The following VMA12 variants were observed in gnomAD, a reference collection of about 807,000 sequenced individuals.
VMA12 encodes vacuolar ATPase assembly factor VMA12, also known as vacuolar ATPase assembly protein VMA12.
the VMA12 span, chr17:28,359,245 A>G: frequency 1.3e-6 from 2 of 1,532,684 alleles, 1 homozygote; most frequent in African/African-American, 2.7e-5. Context: ...TACCCCTGGA[A>G]CCAATGATTG....
the VMA12 span, chr17:28,361,327 A>T: frequency 1.4e-6 from 2 of 1,430,180 alleles, no homozygotes; most frequent in Non-Finnish European, 2.0e-6. Context: ...GACTCAGTCA[A>T]CCCATCAGAC....
the VMA12 span, chr17:28,361,314 A>C: frequency 2.6e-5 from 39 of 1,516,564 alleles, no homozygotes; most frequent in East Asian, 6.8e-4. Flanking sequence ...ATTGGCAGTC[A>C]CCGACTCAGT....
At chr17:28,357,973 A>G in the VMA12 span, 11 of 1,364,846 alleles carry the variant, frequency 8.1e-6, no homozygotes, top group Non-Finnish European at 1.1e-5. Context: ...TCTTCTACGG[A>G]GCACTCATCT....
At chr17:28,363,654 T>C in the VMA12 span, 1 of 152,264 alleles carries the variant, frequency 6.6e-6, no homozygotes, top group Admixed American at 6.5e-5. Flanking sequence ...CAATCTGATC[T>C]TTGTGAAAAT....
chr17:28,361,698 T>C, the VMA12 span: 1 of 156,296 alleles, frequency 6.4e-6, no homozygotes, highest in African/African-American at 2.4e-5. Flanking sequence ...TTCAGAAGCC[T>C]CCAAGAAAAC....
the VMA12 span, chr17:28,361,185 CTG>C: frequency 1.2e-6 from 2 of 1,614,090 alleles, no homozygotes; most frequent in South Asian, 1.1e-5. Flanking sequence ...ATCGTCGCCT[CTG>C]TGGTGGGTCT....
the VMA12 span, chr17:28,361,220 C>G: frequency 1.1e-4 from 181 of 1,614,044 alleles, 3 homozygotes; most frequent in South Asian, 1.2e-3. Flanking sequence ...TGTCATGGTG[C>G]GGGCAATGGA....
At chr17:28,357,681 C>G in the VMA12 span, 2 of 1,612,596 alleles carry the variant, frequency 1.2e-6, no homozygotes, top group South Asian at 1.1e-5. Flanking sequence ...ATGGCGTCCT[C>G]TTTGCTTGCG....
the VMA12 span, chr17:28,362,428 G>A: frequency 6.6e-6 from 1 of 152,178 alleles, no homozygotes; most frequent in African/African-American, 2.4e-5. Context: ...TTGGGAGGCT[G>A]AGGCAGGCGG....
At chr17:28,359,520 G>A in the VMA12 span, 1 of 896,396 alleles carries the variant, frequency 1.1e-6, no homozygotes, top group Non-Finnish European at 1.7e-6. Context: ...TACTGTTCAG[G>A]GACCATAGGA....
At chr17:28,360,295 C>A in the VMA12 span, 1,147 of 476,018 alleles carry the variant, frequency 2.4e-3, 12 homozygotes, top group African/African-American at 0.021. Context: ...CCCTACTACT[C>A]TATGGCATGC....
At chr17:28,357,945 T>G in the VMA12 span, 9 of 1,551,334 alleles carry the variant, frequency 5.8e-6, no homozygotes, top group South Asian at 1.1e-5. Context: ...TCCTGAGGTC[T>G]TTTCCCATCA....
the VMA12 span, chr17:28,359,525 A>G: frequency 4.9e-5 from 41 of 844,984 alleles, no homozygotes; most frequent in Non-Finnish European, 6.8e-5. Context: ...TTCAGGGACC[A>G]TAGGAAGTCT....
chr17:28,360,750 C>T, the VMA12 span: 1 of 1,614,048 alleles, frequency 6.2e-7, no homozygotes, highest in South Asian at 1.1e-5. Flanking sequence ...TCATTGAAGG[C>T]TCTGGTCATC....
chr17:28,362,047 A>G, the VMA12 span: 1 of 152,226 alleles, frequency 6.6e-6, no homozygotes, highest in African/African-American at 2.4e-5. Context: ...TATCCAATAA[A>G]TATTTATTGT....
the VMA12 span, chr17:28,361,247 CTG>C: frequency 1.2e-6 from 2 of 1,613,976 alleles, no homozygotes; most frequent in South Asian, 2.2e-5. Context: ...GCTGGGAGAA[CTG>C]TAACTGGTGC....
At chr17:28,357,655 G>T in the VMA12 span, 1 of 1,610,608 alleles carries the variant, frequency 6.2e-7, no homozygotes, top group South Asian at 1.1e-5. Context: ...TCACCTGACC[G>T]GAGAGCCGGC....
At chr17:28,358,140 G>T in the VMA12 span, 4 of 534,380 alleles carry the variant, frequency 7.5e-6, 1 homozygote, top group South Asian at 8.4e-5. Flanking sequence ...TCACCCTTGA[G>T]AAAGTCTAGG....
chr17:28,357,964 C>G, the VMA12 span: 1 of 1,442,832 alleles, frequency 6.9e-7, no homozygotes, highest in Admixed American at 1.8e-5. Context: ...CATTCCCCTT[C>G]TTCTACGGAG....
Sources: gnomAD v4.1 joint callset for allele counts on GRCh38, gnomAD v4.1.1 for gene constraint, MANE v1.5 for transcripts, NCBI Gene and HGNC (gene_info 2026-07-23, HGNC 2026-07-21) for gene names.